Variants in APBB2 observed in about 807,000 individuals in gnomAD.
The protein encoded by APBB2 is Fe65-like 1.
A neutral mutation model predicts 82.5 loss-of-function variants in APBB2; 38 were observed. That is an observed-to-expected ratio of 0.46 (90% CI 0.36 to 0.60). The LOEUF (loss-of-function observed/expected upper bound fraction) is 0.60, where lower values mean the gene tolerates loss of function less well. APBB2 is among the 20% of genes least tolerant of loss of function. The pLI is 0.00. For synonymous variants in APBB2, 341 were observed against 368.2 expected, an observed-to-expected ratio of 0.93 and a Z score of 0.85; for missense variants, 772 against 972.3, an observed-to-expected ratio of 0.79 and a Z score of 2.74.
chr4:41,152,409 G>A (rs1580443291), intron 1 of APBB2, among the ~76,000 whole-genome samples: 1 of 151,124 alleles, frequency 6.6e-6, no homozygotes, highest in African/African-American at 2.4e-5. Flanking sequence ...TACAAGCTCC[G>A]CCTCCTGCGT....
intron 4 of APBB2, among the ~76,000 whole-genome samples, chr4:41,044,578 T>C (rs1466663297): frequency 1.3e-5 from 2 of 152,236 alleles, no homozygotes; most frequent in Non-Finnish European, 1.5e-5. Flanking sequence ...GTTCATAAGT[T>C]TGTGTTCTTT....
At chr4:40,822,965 T>C in intron 16 of APBB2, among the ~76,000 whole-genome samples, 1 of 152,154 alleles carries the variant, frequency 6.6e-6, no homozygotes, top group East Asian at 1.9e-4. Context: ...TGTGGCCAGC[T>C]GGAGGCAGGC....
chr4:41,139,106 A>G (rs1202925516), intron 2 of APBB2, among the ~76,000 whole-genome samples: 1 of 152,188 alleles, frequency 6.6e-6, no homozygotes, highest in African/African-American at 2.4e-5. Context: ...AACATGTCCC[A>G]TGTTCACGTA....
intron 2 of APBB2, among the ~76,000 whole-genome samples, chr4:41,138,935 A>G (rs1758348338): frequency 6.6e-6 from 1 of 152,214 alleles, no homozygotes; most frequent in Non-Finnish European, 1.5e-5. Flanking sequence ...ATTTCTATAC[A>G]CTAGCTACAA....
At chr4:40,821,478 G>A (rs373293437) in intron 17 of APBB2, among the ~76,000 whole-genome samples, 9 of 152,276 alleles carry the variant, frequency 5.9e-5, no homozygotes, top group East Asian at 3.9e-4. Context: ...ATATAAGAAC[G>A]GTGTACAGAA....
At chr4:40,906,480 A>AG in intron 10 of APBB2, among the ~76,000 whole-genome samples, 13 of 150,256 alleles carry the variant, frequency 8.7e-5, no homozygotes, top group South Asian at 2.1e-4. Context: ...AAAAAAAAAA[A>AG]AAAAAAAAGA....
chr4:41,092,560 G>C (rs1354092870), intron 3 of APBB2, among the ~76,000 whole-genome samples: 1 of 151,988 alleles, frequency 6.6e-6, no homozygotes, highest in East Asian at 1.9e-4. Flanking sequence ...ATGGTGGCGC[G>C]TGTGTGTACT....
chr4:41,010,633 G>A (rs542942784), intron 6 of APBB2, among the ~76,000 whole-genome samples: 1 of 152,120 alleles, frequency 6.6e-6, no homozygotes, highest in Non-Finnish European at 1.5e-5. Context: ...ATAAGCCAAG[G>A]GGCTATGGAC....
intron 12 of APBB2, among the ~76,000 whole-genome samples, chr4:40,869,284 C>T (rs183012591): frequency 1.4e-3 from 213 of 152,180 alleles, no homozygotes; most frequent in Middle Eastern, 3.4e-3. Context: ...ATAATCCTAG[C>T]CCTAGGATTA....
intron 2 of APBB2, among the ~76,000 whole-genome samples, chr4:41,120,062 T>C (rs1379058676): frequency 6.6e-6 from 1 of 152,176 alleles, no homozygotes; most frequent in East Asian, 1.9e-4. Context: ...AACGGAGGCT[T>C]ACGAGTTGAA....
intron 4 of APBB2, among the ~76,000 whole-genome samples, chr4:41,039,357 C>T (rs1720472587): frequency 6.6e-6 from 1 of 152,146 alleles, no homozygotes; most frequent in Non-Finnish European, 1.5e-5. Flanking sequence ...ATGACCTTGG[C>T]CCAGAGTTAT....
chr4:40,838,167 AT>A (rs1398027492), intron 12 of APBB2, among the ~76,000 whole-genome samples: 1 of 121,440 alleles, frequency 8.2e-6, no homozygotes, highest in South Asian at 2.2e-4. Context: ...TATTATTATT[AT>A]TATTATTATT....
chr4:41,164,472 C>T (rs930816887), intron 1 of APBB2, among the ~76,000 whole-genome samples: 3 of 152,176 alleles, frequency 2.0e-5, no homozygotes, highest in Non-Finnish European at 4.4e-5. Context: ...CAAAAGGCGG[C>T]TCCTTTGATT....
At chr4:40,861,470 A>G (rs1007407257) in intron 12 of APBB2, among the ~76,000 whole-genome samples, 9 of 152,046 alleles carry the variant, frequency 5.9e-5, no homozygotes, top group African/African-American at 2.2e-4. Context: ...GAGGCTGCAG[A>G]GAGCTATGAT....
At chr4:41,038,091 G>A (rs958016902) in intron 4 of APBB2, among the ~76,000 whole-genome samples, 7 of 151,892 alleles carry the variant, frequency 4.6e-5, no homozygotes, top group Non-Finnish European at 7.4e-5. Flanking sequence ...CACATGTCCC[G>A]TTAATGAAAA....
rs566782894 is a variant in APBB2, at chr4:40,825,927, G to A, written c.1776C>T (p.His592=). The stretch of plus-strand genomic sequence containing the variant: ...CAGGTAACATGCCCAAGTACTGCAC[G>A]TGGAACTTCTGGACCAGCTCAGTCT... ...TPKTELVQKF[H]VQYLGMLPVD... Residue 592 remains histidine, a synonymous_variant, in exon 15 of 18, where the codon CAC becomes CAT. Coordinates refer to ENST00000508593, the MANE Select transcript of APBB2 (RefSeq NM_004307.2). 2.8e-5 allele frequency: 46 copies of A among 1,614,114 alleles called. No homozygotes were observed. Among genetic ancestry groups the A allele is most frequent in the African/African-American group, 1.1e-4 (8 of 75,022 alleles).
In APBB2 at chr4:40,826,127, C is replaced by A; in HGVS notation, c.1733-157G>T. ...TGTAACAACTATTCTACAAGAGCAG[C>A]ATTACTCCAGATATTGGGGCTCTGT... On this transcript the variant is annotated intron_variant, in intron 14 of 17. Transcript: ENST00000508593. The surrounding 1 kb of genome is among the most constrained non-coding windows in gnomAD (Gnocchi z 4.5). 1 of 634,380 alleles carries A rather than the reference C, an allele frequency of 1.6e-6. No individual in the cohort carries two copies. 39.3% of individuals were successfully genotyped at this position (634,380 alleles called of 1,614,324 possible). A position where few individuals can be genotyped will look rare whatever the true frequency, so the allele number is the denominator to read the frequency against.
At chr4:40,913,406 C>A (rs1473156689) in intron 10 of APBB2, among the ~76,000 whole-genome samples, 1 of 152,228 alleles carries the variant, frequency 6.6e-6, no homozygotes, top group Non-Finnish European at 1.5e-5. Context: ...GTACTCTCTA[C>A]CCTAAAATGT....
intron 10 of APBB2, among the ~76,000 whole-genome samples, chr4:40,923,196 C>T (rs1038210006): frequency 2.0e-5 from 3 of 149,462 alleles, no homozygotes; most frequent in Admixed American, 6.7e-5. Context: ...AAGATGGTCT[C>T]GATCTCCTGA....
Sources: allele counts gnomAD v4.1 joint callset (sites outside exome capture counted in the v4.1 genomes callset), GRCh38; gene constraint gnomAD v4.1.1; non-coding constraint Gnocchi (gnomAD v3.1); transcripts MANE v1.5; gene names NCBI Gene and HGNC (gene_info 2026-07-23, HGNC 2026-07-21).